The following RGS8 variants were observed in gnomAD, a reference collection of about 807,000 sequenced individuals.
RGS8 encodes the protein regulator of G-protein signaling 8.
A neutral mutation model predicts 21.7 loss-of-function variants in RGS8; 8 were observed. The observed-to-expected ratio is 0.37, with a 90% CI of 0.22 to 0.66. The LOEUF (loss-of-function observed/expected upper bound fraction) is 0.66. Ranked by LOEUF, RGS8 falls within the 30% of genes least tolerant of loss-of-function variation. The probability of loss-of-function intolerance (pLI) is 0.59; values close to 1 mark genes in which losing one functional copy is unlikely to be tolerated. For synonymous variants in RGS8, 80 were observed against 83.6 expected, an observed-to-expected ratio of 0.96 and a Z score of 0.24; for missense variants, 157 against 217.9, an observed-to-expected ratio of 0.72 and a Z score of 1.76.
At chr1:182,695,846 G>A in the RGS8 span, among the ~76,000 whole-genome samples, 1 of 152,074 alleles carries the variant, frequency 6.6e-6, no homozygotes. Flanking sequence ...ATATGCTTAA[G>A]ATAAATATTG....
downstream of RGS8, chr1:182,645,171 T>C (rs1011416792): frequency 6.6e-6 from 1 of 152,188 alleles, no homozygotes; most frequent in Non-Finnish European, 1.5e-5. Flanking sequence ...AAAAGGAAAA[T>C]GGTTCAGCCC....
the RGS8 span, among the ~76,000 whole-genome samples, chr1:182,752,227 T>C: frequency 2.6e-5 from 4 of 152,324 alleles, no homozygotes; most frequent in Admixed American, 1.3e-4. Context: ...CTGAGCCAGC[T>C]GACAGAACAT....
At chr1:182,686,323 T>TA (rs1283436658), upstream of RGS8, among the ~76,000 whole-genome samples, 3 of 152,098 alleles carry the variant, frequency 2.0e-5, no homozygotes, top group Non-Finnish European at 2.9e-5. Context: ...ATTTTTTTTT[T>TA]ATCATCAGAT....
the RGS8 span, among the ~76,000 whole-genome samples, chr1:182,735,964 C>T: frequency 1.8e-3 from 276 of 152,348 alleles, no homozygotes; most frequent in Non-Finnish European, 3.0e-3. Context: ...CAATGTTTCT[C>T]AAACTTCAAC....
chr1:182,670,078 C>T (rs1411185766), intron 2 of RGS8, among the ~76,000 whole-genome samples: 2 of 152,188 alleles, frequency 1.3e-5, no homozygotes, highest in Non-Finnish European at 2.9e-5. Context: ...TAAAGTGGGG[C>T]CCAAGTGACC....
At chr1:182,736,844 A>G in the RGS8 span, among the ~76,000 whole-genome samples, 628 of 152,348 alleles carry the variant, frequency 4.1e-3, 7 homozygotes, top group African/African-American at 0.015. Context: ...TGGATGAACC[A>G]GCTGCCATGC....
chr1:182,744,438 T>C, the RGS8 span, among the ~76,000 whole-genome samples: 1 of 152,318 alleles, frequency 6.6e-6, no homozygotes, highest in Admixed American at 6.5e-5. Flanking sequence ...CAATTCATTG[T>C]TTTTTAAGAC....
At chr1:182,694,027 C>T in the RGS8 span, among the ~76,000 whole-genome samples, 92 of 152,052 alleles carry the variant, frequency 6.1e-4, no homozygotes, top group Non-Finnish European at 8.5e-4. Flanking sequence ...GGGTACTGTG[C>T]TTATTACATG....
the RGS8 span, among the ~76,000 whole-genome samples, chr1:182,726,424 A>G: frequency 6.6e-6 from 1 of 152,178 alleles, no homozygotes; most frequent in Admixed American, 6.5e-5. Flanking sequence ...TAATCCCAGT[A>G]CTTTGGGAGG....
chr1:182,659,030 T>G (rs1663441327), intron 5 of RGS8, among the ~76,000 whole-genome samples: 1 of 152,228 alleles, frequency 6.6e-6, no homozygotes. Flanking sequence ...TGTAGCAAGA[T>G]GATTTATTAT....
chr1:182,683,728 T>A (rs748728927), intron 1 of RGS8, among the ~76,000 whole-genome samples: 6 of 151,794 alleles, frequency 4.0e-5, no homozygotes, highest in Non-Finnish European at 7.4e-5. Context: ...GAGGCAACCG[T>A]GCCCTCAACT....
upstream of RGS8, chr1:182,672,998 G>T (rs748084696): frequency 4.3e-5 from 32 of 748,334 alleles, no homozygotes; most frequent in Non-Finnish European, 6.9e-5. Flanking sequence ...AGAAACTCTG[G>T]GGACAGTAAT....
chr1:182,736,993 GA>G, the RGS8 span, among the ~76,000 whole-genome samples: 2 of 152,342 alleles, frequency 1.3e-5, no homozygotes, highest in African/African-American at 4.8e-5. Context: ...CTGGAGGCCA[GA>G]AGTCAGAAAT....
intron 5 of RGS8, among the ~76,000 whole-genome samples, chr1:182,657,358 C>T (rs999322074): frequency 2.0e-5 from 3 of 152,150 alleles, no homozygotes; most frequent in African/African-American, 7.2e-5. Flanking sequence ...CACCAGGACC[C>T]TCCTGCTTGT....
At chr1:182,736,704 G>A in the RGS8 span, among the ~76,000 whole-genome samples, 11 of 152,192 alleles carry the variant, frequency 7.2e-5, no homozygotes, top group South Asian at 6.2e-4. Context: ...TGCAGTGTGC[G>A]CTGGACCTAG....
At chr1:182,664,610 T>C (rs1663764614) in intron 5 of RGS8, among the ~76,000 whole-genome samples, 1 of 152,182 alleles carries the variant, frequency 6.6e-6, no homozygotes. Flanking sequence ...TTAAAAAAAA[T>C]AGCATTACTG....
chr1:182,656,634 G>A (rs1663293970), intron 5 of RGS8, among the ~76,000 whole-genome samples: 1 of 152,220 alleles, frequency 6.6e-6, no homozygotes, highest in Non-Finnish European at 1.5e-5. Context: ...AAATGTGGTG[G>A]CCTGCATTTC....
the RGS8 span, among the ~76,000 whole-genome samples, chr1:182,711,131 C>CA: frequency 6.6e-6 from 1 of 152,130 alleles, no homozygotes; most frequent in African/African-American, 2.4e-5. Flanking sequence ...CACTGTCAGT[C>CA]AAAAATGCAT....
intron 5 of RGS8, among the ~76,000 whole-genome samples, chr1:182,659,427 G>A (rs1207201031): frequency 3.3e-5 from 5 of 152,194 alleles, no homozygotes; most frequent in African/African-American, 7.2e-5. Context: ...GTAGCCGGGC[G>A]CGGTGGCTCA....
Sources: allele counts gnomAD v4.1 joint callset (sites outside exome capture counted in the v4.1 genomes callset), GRCh38; gene constraint gnomAD v4.1.1; transcripts MANE v1.5; gene names NCBI Gene and HGNC (gene_info 2026-07-23, HGNC 2026-07-21).